TMPRSS5: variants seen among roughly 807,000 people sequenced by gnomAD.
The protein encoded by TMPRSS5 is transmembrane serine protease 5.
In TMPRSS5, 45 loss-of-function variants were observed where a neutral mutation model predicts 59.7. The ratio of observed to expected loss-of-function variants is 0.75; its 90% confidence interval spans 0.59 to 0.97. TMPRSS5 has a LOEUF of 0.97. Among genes scored for constraint, TMPRSS5 ranks in the 50% least tolerant of loss-of-function variants. TMPRSS5 has a pLI of 0.00. For synonymous variants in TMPRSS5, 225 were observed against 232.0 expected (o/e 0.97, Z 0.27); for missense variants, 585 against 596.7 (o/e 0.98, Z 0.20).
At chr11:113,690,708 C>G in intron 10 of TMPRSS5, 133 bp downstream of exon 10, 1 of 888,316 alleles carries the variant, frequency 1.1e-6, no homozygotes, top group Non-Finnish European at 1.8e-6. Context: ...GACCCTAGGC[C>G]TGACCAAGGG....
At chr11:113,704,758 T>C (rs1306671318) in intron 1 of TMPRSS5, among the ~76,000 whole-genome samples, 2 of 151,684 alleles carry the variant, frequency 1.3e-5, no homozygotes, top group Non-Finnish European at 2.9e-5. Flanking sequence ...CCCTATATTG[T>C]GCTCATTTAC....
Position 113,689,759 on chromosome 11 carries a change from A to G in TMPRSS5, c.1359+6T>C, listed in dbSNP as rs775048409. On this transcript the variant is annotated splice_donor_region_variant and intron_variant, in intron 12 of 12. Transcript: ENST00000299882. The stretch of plus-strand genomic sequence containing the variant: ...CTCCCTGCCCTACTCCTGCCCCCAC[A>G]CTCACCTGAGCAGTGTCATGGATCC... The G allele has an allele frequency of 2.5e-6, 4 of 1,608,170 alleles. No homozygotes were observed. In the East Asian group the frequency reaches 6.7e-5, roughly 27 times the overall value.
At chr11:113,702,458 G>T (rs1001865038) in intron 1 of TMPRSS5, among the ~76,000 whole-genome samples, 3 of 152,288 alleles carry the variant, frequency 2.0e-5, no homozygotes, top group Middle Eastern at 3.4e-3. Context: ...GAGCATAAAA[G>T]GTTGGAAAAT....
intron 1 of TMPRSS5, among the ~76,000 whole-genome samples, chr11:113,702,411 A>G (rs1376317634): frequency 6.6e-6 from 1 of 152,242 alleles, no homozygotes; most frequent in Non-Finnish European, 1.5e-5. Context: ...ATCTGGCAGA[A>G]GAAATTTCTA....
rs776679839 is a variant in TMPRSS5, at chr11:113,699,706, G to A, written c.107-13C>T. 3 of 1,558,514 alleles carry A rather than the reference G, an allele frequency of 1.9e-6. No individual in the cohort carries two copies. Among genetic ancestry groups the A allele is most frequent in the Admixed American group, 1.9e-5 (1 of 51,564 alleles). On this transcript the variant is annotated splice_polypyrimidine_tract_variant and intron_variant, in intron 2 of 12. Transcript: ENST00000299882. The stretch of plus-strand genomic sequence containing the variant: ...ACTGCCTGAGAAACTGTGGGAAAGG[G>A]CAGAGGGGTATCTGGGTCCCCTGCT...
intron 1 of TMPRSS5, 140 bp downstream of exon 1, chr11:113,706,082 C>G (rs1337661707): frequency 2.1e-6 from 2 of 950,492 alleles, no homozygotes; most frequent in Non-Finnish European, 1.6e-6. Context: ...CCACACAGGG[C>G]CCCTGCTAGG....
Position 113,688,236 on chromosome 11 carries a change from T to G in TMPRSS5, c.*24A>C. ...GGAAGCATGAGGCAGTGGTGTGCAG[T>G]GAGACTGGAGGAAACAGCAGGACTC... On this transcript the variant is annotated 3_prime_UTR_variant, in exon 13 of 13. Transcript: ENST00000299882. 6.3e-7 allele frequency: 1 copy of G among 1,576,270 alleles called. No homozygotes were observed. Among genetic ancestry groups the G allele is most frequent in the Non-Finnish European group, 8.6e-7 (1 of 1,161,246 alleles).
In TMPRSS5 at chr11:113,694,538, G is replaced by T. The variant is rs116913282; in HGVS notation, c.725C>A (p.Thr242Lys). Residue 242 changes from threonine to lysine, a missense_variant, in exon 8 of 13, where the codon ACG becomes AAG. Coordinates refer to ENST00000299882, the MANE Select transcript of TMPRSS5 (RefSeq NM_030770.4). Reference sequence around the variant, plus strand: ...TGGCGCTAGCACAGAGCCCCCACACGTGTGCCGGAAGCCCAGGGCCACGCT... The same window carrying T: ...TGGCGCTAGCACAGAGCCCCCACACTTGTGCCGGAAGCCCAGGGCCACGCT... ...QASVALGFRH[T>K]CGGSVLAPRW... 1 of 1,560,006 alleles carries T rather than the reference G, an allele frequency of 6.4e-7. No individual in the cohort carries two copies. The highest frequency in any genetic ancestry group is 1.4e-5 in the African/African-American group (1 of 73,456).
intron 3 of TMPRSS5, among the ~76,000 whole-genome samples, 180 bp from the exon 4 acceptor site, chr11:113,699,207 GTC>G (rs1389428606): frequency 2.2e-5 from 1 of 46,342 alleles, no homozygotes; most frequent in Non-Finnish European, 3.9e-5. Context: ...TCCTTTGTCT[GTC>G]TGTCTCTCTC....
intron 1 of TMPRSS5, among the ~76,000 whole-genome samples, chr11:113,705,137 A>G (rs1014578531): frequency 5.3e-5 from 8 of 152,104 alleles, no homozygotes; most frequent in Admixed American, 5.2e-4. Flanking sequence ...GTTGTACCCA[A>G]TGAGGATAAA....
chr11:113,700,251 C>G, intron 1 of TMPRSS5, 83 bp from the exon 2 acceptor site: 1 of 1,248,286 alleles, frequency 8.0e-7, no homozygotes, highest in Non-Finnish European at 1.1e-6. Context: ...AGTCCCCATT[C>G]TTTAACCCCA....
At position 113,687,980 on chromosome 11, in the gene TMPRSS5, C is replaced by G. The variant is rs1412879861; in HGVS notation, c.*280G>C. 2 of 388,368 alleles carry G rather than the reference C, an allele frequency of 5.1e-6. No individual in the cohort carries two copies. The highest frequency in any genetic ancestry group is 4.5e-6 in the Non-Finnish European group (1 of 223,014). 24.1% of individuals were successfully genotyped at this position (388,368 alleles called of 1,614,324 possible). On this transcript the variant is annotated 3_prime_UTR_variant, in exon 13 of 13. Coordinates refer to ENST00000299882, the MANE Select transcript of TMPRSS5 (RefSeq NM_030770.4). ...TCCAGCTCCTACCTCTCTCCTCCCC[C>G]TCATCCCTCAGCAACCACAGCATGC...
chr11:113,690,175 T>TCCCCCCCCCCCCCCCCCCCC, intron 11 of TMPRSS5, 56 bp downstream of exon 11: 4 of 159,592 alleles, frequency 2.5e-5, no homozygotes, highest in South Asian at 1.8e-4. Context: ...GCAGGCCCCC[T>TCCCCCCCCCCCCCCCCCCCC]GCCCTCCCAC....
At chr11:113,690,183 C>T in intron 11 of TMPRSS5, 48 bp downstream of exon 11, 1 of 1,117,020 alleles carries the variant, frequency 9.0e-7, no homozygotes. Context: ...CCTGCCCTCC[C>T]ACCCCCACCT....
chr11:113,690,817 C>T (rs377473163), intron 10 of TMPRSS5, 24 bp downstream of exon 10: 46 of 1,560,950 alleles, frequency 2.9e-5, no homozygotes, highest in East Asian at 9.5e-5. Flanking sequence ...GCCCCTGCAC[C>T]GAGGGCCCAG....
chr11:113,694,555 GGCCACGCTGGCCT>G lies in TMPRSS5; in HGVS notation c.695_707del (p.Gln232ProfsTer13), dbSNP rs1246277581. On this transcript the variant is annotated frameshift_variant, in exon 8 of 13. Coordinates refer to ENST00000299882, the MANE Select transcript of TMPRSS5 (RefSeq NM_030770.4). LOFTEE classifies it high-confidence loss of function. ...CCCCACACGTGTGCCGGAAGCCCAG[GGCCACGCTGGCCT>G]GCCACGGCCAGCGCCCAGGAGCCAC... 6.4e-7 allele frequency: 1 copy of G among 1,551,720 alleles called. No homozygotes were observed. The highest frequency in any genetic ancestry group is 8.7e-7 in the Non-Finnish European group (1 of 1,148,052).
chr11:113,699,293 G>C lies in TMPRSS5; in HGVS notation c.206-266C>G, dbSNP rs201138654. On this transcript the variant is annotated intron_variant, in intron 3 of 12. Transcript: ENST00000299882. ...TCTCCCTCTCTCTCTCTCTCTCTCT[G>C]TCTCTCTCTCTCTCTAGCTGTCTCT... 0.021 allele frequency among the ~76,000 whole-genome samples: 847 copies of C among 41,054 alleles called. 57 individuals carry two copies. The East Asian group carries it at 0.21, about 10-fold the overall frequency. 26.9% of individuals were successfully genotyped at this position (41,054 alleles called of 152,430 possible).
chr11:113,689,899 G>A lies in TMPRSS5; in HGVS notation c.1225C>T (p.Leu409=), dbSNP rs1952716170. The A allele has an allele frequency of 6.4e-7, 1 of 1,563,510 alleles. No individual in the cohort carries two copies. The highest frequency in any genetic ancestry group is 1.9e-5 in the Admixed American group (1 of 52,630). The change falls in exon 12 of 13, where the codon CTA becomes TTA. Residue 409 remains leucine, a synonymous_variant. Transcript: ENST00000299882. ...CATGTGTCCCCATCTGGGCACACTAGGGGGCCCCCGCTATCTCCCTAAGGG... is the reference window on the plus strand; with the variant it reads ...CATGTGTCCCCATCTGGGCACACTAAGGGGCCCCCGCTATCTCCCTAAGGG... The part of the protein sequence containing the change: ...DACQGDSGGP[L]VCPDGDTWRL...
At chr11:113,694,696 T>A in intron 7 of TMPRSS5, 56 bp from the exon 8 acceptor site, 1 of 1,469,622 alleles carries the variant, frequency 6.8e-7, no homozygotes, top group Non-Finnish European at 9.1e-7. Flanking sequence ...GTCAGCATGG[T>A]CCTAACTCTC....
Sources: allele counts gnomAD v4.1 joint callset (sites outside exome capture counted in the v4.1 genomes callset), GRCh38; gene constraint gnomAD v4.1.1; transcripts MANE v1.5; gene names NCBI Gene and HGNC (gene_info 2026-07-23, HGNC 2026-07-21).